Variants in PTPRK observed in about 807,000 individuals in gnomAD.
PTPRK encodes the protein receptor-type tyrosine-protein phosphatase kappa.
PTPRK carries 75 observed loss-of-function variants against 178.0 expected under a neutral mutation model. The observed-to-expected ratio is 0.42, with a 90% confidence interval of 0.35 to 0.51. PTPRK has a LOEUF of 0.51. Ranked by LOEUF, PTPRK falls within the 20% of genes least tolerant of loss-of-function variation. PTPRK has a pLI of 0.02. For missense variants in PTPRK, 1,441 were observed against 1,797.8 expected (o/e 0.80, Z 3.59); for synonymous variants, 637 against 620.6 (o/e 1.03, Z -0.39).
At chr6:128,362,308 T>C (rs1228630933) in intron 2 of PTPRK, among the ~76,000 whole-genome samples, 2 of 152,112 alleles carry the variant, frequency 1.3e-5, no homozygotes, top group African/African-American at 2.4e-5. Flanking sequence ...ACCAAGGGAA[T>C]TGTATTAAAC....
At chr6:128,063,919 G>T (rs908749558) in intron 13 of PTPRK, among the ~76,000 whole-genome samples, 1 of 152,120 alleles carries the variant, frequency 6.6e-6, no homozygotes, top group Non-Finnish European at 1.5e-5. Flanking sequence ...TACCCCAAAT[G>T]AATCAACTAC....
chr6:128,159,709 A>AGGAC (rs1437291998), intron 7 of PTPRK, among the ~76,000 whole-genome samples: 2 of 151,834 alleles, frequency 1.3e-5, no homozygotes, highest in African/African-American at 4.8e-5. Context: ...AAACTTGTAC[A>AGGAC]GGACCTCTAA....
intron 2 of PTPRK, among the ~76,000 whole-genome samples, chr6:128,377,732 C>T (rs1484584317): frequency 6.6e-5 from 10 of 150,660 alleles, no homozygotes; most frequent in Non-Finnish European, 1.0e-4. Context: ...AAAAAAAACC[C>T]AGAATCAAAG....
chr6:128,178,427 C>A (rs1801413994), intron 7 of PTPRK, among the ~76,000 whole-genome samples: 1 of 151,634 alleles, frequency 6.6e-6, no homozygotes, highest in African/African-American at 2.4e-5. Flanking sequence ...TCATGATTTT[C>A]CCCTCTAATA....
At chr6:127,992,612 A>T in intron 19 of PTPRK, 61 bp downstream of exon 19, 1 of 1,400,140 alleles carries the variant, frequency 7.1e-7, no homozygotes. Context: ...AATAAAAACC[A>T]CCACATAGAT....
intron 25 of PTPRK, among the ~76,000 whole-genome samples, chr6:127,979,206 A>T (rs551415372): frequency 6.6e-6 from 1 of 152,180 alleles, no homozygotes; most frequent in Non-Finnish European, 1.5e-5. Context: ...AGCCCAGGAG[A>T]TTGAGGCTGC....
intron 2 of PTPRK, among the ~76,000 whole-genome samples, chr6:128,341,393 T>C (rs1831638592): frequency 1.3e-5 from 2 of 152,112 alleles, no homozygotes. Flanking sequence ...CACTTAGTAA[T>C]AAACTCAGAC....
At chr6:128,428,087 G>A (rs188946366) in intron 1 of PTPRK, among the ~76,000 whole-genome samples, 21 of 151,802 alleles carry the variant, frequency 1.4e-4, no homozygotes, top group African/African-American at 4.6e-4. Flanking sequence ...GAGAGACTCC[G>A]TCTCGAAAAA....
At chr6:128,054,302 T>C (rs1358175131) in intron 13 of PTPRK, among the ~76,000 whole-genome samples, 1 of 152,232 alleles carries the variant, frequency 6.6e-6, no homozygotes, top group Non-Finnish European at 1.5e-5. Flanking sequence ...AGATTTAATG[T>C]TACTTCCTCC....
chr6:128,134,425 T>C (rs1381671070), intron 7 of PTPRK, among the ~76,000 whole-genome samples: 1 of 152,220 alleles, frequency 6.6e-6, no homozygotes, highest in African/African-American at 2.4e-5. Context: ...GTGATAGTTT[T>C]ATGCGTCAGC....
intron 2 of PTPRK, among the ~76,000 whole-genome samples, chr6:128,372,159 T>C: frequency 6.6e-6 from 1 of 152,182 alleles, no homozygotes; most frequent in East Asian, 1.9e-4. Flanking sequence ...TCTCGTTCTG[T>C]TTCCAAGTTC....
intron 25 of PTPRK, among the ~76,000 whole-genome samples, chr6:127,979,523 A>AC (rs1407825291): frequency 6.6e-6 from 1 of 152,208 alleles, no homozygotes; most frequent in Non-Finnish European, 1.5e-5. Flanking sequence ...AAAAGGTATA[A>AC]TTAGGATTTA....
intron 2 of PTPRK, among the ~76,000 whole-genome samples, chr6:128,347,767 A>G (rs930844253): frequency 5.3e-5 from 8 of 152,126 alleles, no homozygotes; most frequent in African/African-American, 1.9e-4. Context: ...ACTAAGTTAC[A>G]TTATCAGGAA....
chr6:128,311,057 T>C (rs558880778), intron 3 of PTPRK, among the ~76,000 whole-genome samples: 42 of 152,124 alleles, frequency 2.8e-4, no homozygotes, highest in Non-Finnish European at 4.0e-4. Context: ...AATTTAGCAA[T>C]TCTGTTGACA....
At chr6:128,301,791 T>G (rs1825654154) in intron 3 of PTPRK, among the ~76,000 whole-genome samples, 1 of 152,206 alleles carries the variant, frequency 6.6e-6, no homozygotes, top group Non-Finnish European at 1.5e-5. Flanking sequence ...GATCATATAT[T>G]ATTTGATAAC....
chr6:127,977,149 A>G, intron 25 of PTPRK, 95 bp from the exon 26 acceptor site: 1 of 1,238,384 alleles, frequency 8.1e-7, no homozygotes, highest in South Asian at 1.3e-5. Flanking sequence ...TAGGACCAGT[A>G]AGATGCAATA....
At position 128,368,282 on chromosome 6, in the gene PTPRK, A is replaced by C. The variant is rs58214299; in HGVS notation, c.223+29284T>G. 5.7e-3 allele frequency among the ~76,000 whole-genome samples: 868 copies of C among 152,112 alleles called. 9 individuals are homozygous for C. The highest frequency in any genetic ancestry group is 0.02 in the African/African-American group (814 of 41,520). ...AAGATGAAAAGAAAGGGATAGAGCC[A>C]TGATCAACACTTACTCTATTTAAAC... On this transcript the variant is annotated intron_variant, in intron 2 of 29. Coordinates refer to ENST00000368226, the MANE Select transcript of PTPRK (RefSeq NM_002844.4).
chr6:128,493,643 CACAG>C (rs1426512868), intron 1 of PTPRK, among the ~76,000 whole-genome samples: 6 of 124,326 alleles, frequency 4.8e-5, no homozygotes, highest in African/African-American at 1.8e-4. Context: ...CACACACACA[CACAG>C]AAACAACTAT....
chr6:128,316,749 AC>A (rs1828050199), intron 3 of PTPRK, among the ~76,000 whole-genome samples: 1 of 141,354 alleles, frequency 7.1e-6, no homozygotes, highest in Non-Finnish European at 1.5e-5. Flanking sequence ...ACAGAGTCTC[AC>A]GCTGTCGCCC....
Sources: allele counts gnomAD v4.1 joint callset (sites outside exome capture counted in the v4.1 genomes callset), GRCh38; gene constraint gnomAD v4.1.1; transcripts MANE v1.5; gene names NCBI Gene and HGNC (gene_info 2026-07-23, HGNC 2026-07-21).